NUMA1: variants seen among roughly 807,000 people sequenced by gnomAD.
The protein encoded by NUMA1 is nuclear mitotic apparatus protein 1, also known as SP-H antigen.
In NUMA1, 62 loss-of-function variants were observed where a neutral mutation model predicts 237.1. The observed-to-expected ratio is 0.26, with a 90% CI of 0.21 to 0.32. The LOEUF is 0.32. Ranked by LOEUF, NUMA1 falls within the 10% of genes least tolerant of loss-of-function variation. The pLI, the probability that NUMA1 is intolerant of heterozygous loss-of-function variation, is 1.00. For synonymous variants in NUMA1, 1,028 were observed against 1,066.1 expected (o/e 0.96, Z 0.70); for missense variants, 2,533 against 2,666.5 (o/e 0.95, Z 1.10).
intron 21 of NUMA1, 63 bp downstream of exon 21, chr11:72,007,126 C>T: frequency 6.3e-7 from 1 of 1,585,006 alleles, no homozygotes; most frequent in Non-Finnish European, 8.5e-7. Flanking sequence ...GTGCCCAGTG[C>T]AAAGATGCCC....
rs561239633 is a variant in NUMA1 at position 72,026,568 on chromosome 11, G to A, written c.129-2215C>T. Among the ~76,000 whole-genome samples the A allele has an allele frequency of 2.6e-5, 4 of 152,298 alleles. No individual in the cohort carries two copies. In the South Asian group the frequency reaches 8.3e-4, roughly 32 times the overall value. On this transcript the variant is annotated intron_variant, in intron 4 of 26. Coordinates refer to ENST00000393695, the MANE Select transcript of NUMA1 (RefSeq NM_006185.4). The stretch of plus-strand genomic sequence containing the variant: ...GAACCAAAAGGGAAACTTGTCAGAG[G>A]GGTTGATCCCAGTTAATTTTCCCAG...
chr11:72,054,591 G>T (rs2136074342), intron 2 of NUMA1, among the ~76,000 whole-genome samples: 1 of 152,184 alleles, frequency 6.6e-6, no homozygotes, highest in South Asian at 2.1e-4. Context: ...ACGATGTTAA[G>T]CAACTGTCAT....
At chr11:72,046,749 C>T (rs1942023582) in intron 2 of NUMA1, among the ~76,000 whole-genome samples, 1 of 151,836 alleles carries the variant, frequency 6.6e-6, no homozygotes, top group African/African-American at 2.4e-5. Flanking sequence ...TGTTTGAGCT[C>T]AAGAGTTCAA....
intron 2 of NUMA1, among the ~76,000 whole-genome samples, 175 bp downstream of exon 2, chr11:72,069,667 T>C (rs191549990): frequency 6.6e-6 from 1 of 152,258 alleles, no homozygotes; most frequent in Admixed American, 6.5e-5. Context: ...TAGAAAAATA[T>C]CTTTATTAAA....
chr11:72,023,105 G>A lies in NUMA1; in HGVS notation c.251C>T (p.Ala84Val), dbSNP rs1324599616. 1.2e-6 allele frequency: 2 copies of A among 1,613,788 alleles called. No homozygotes were observed. The highest frequency in any genetic ancestry group is 1.3e-5 in the African/African-American group (1 of 74,890). ...HPSSPECLVS[A>V]QKVLEGSELE... ...CTCTGATCCCTCTAGCACCTTCTGT[G>A]CAGATACCAGGCATTCTGGGGAAGA... The change falls in exon 6 of 27, where the codon GCA (alanine) becomes GTA (valine). Residue 84 changes from alanine (A) to valine (V), a missense_variant. Ala to Val is a moderately conservative substitution (Grantham distance 64). Coordinates refer to ENST00000393695, the MANE Select transcript of NUMA1 (RefSeq NM_006185.4).
At chr11:72,004,180 G>A (rs1194161121) in intron 25 of NUMA1, 45 bp downstream of exon 25, 1 of 1,603,678 alleles carries the variant, frequency 6.2e-7, no homozygotes, top group East Asian at 2.2e-5. Flanking sequence ...TATCAGCAAG[G>A]TCCCGCCAGG....
At chr11:72,034,600 C>T (rs1281205068) in intron 3 of NUMA1, among the ~76,000 whole-genome samples, 1 of 151,746 alleles carries the variant, frequency 6.6e-6, no homozygotes, top group East Asian at 1.9e-4. Context: ...CCCAGCTACT[C>T]GGGAGGCTGA....
At chr11:72,065,096 T>C (rs1205425857) in intron 2 of NUMA1, 1 of 152,178 alleles carries the variant, frequency 6.6e-6, no homozygotes, top group African/African-American at 2.4e-5. Flanking sequence ...AATAGTACCA[T>C]CATATACAAT....
chr11:72,027,675 T>C (rs1939758631), intron 4 of NUMA1, among the ~76,000 whole-genome samples: 1 of 152,200 alleles, frequency 6.6e-6, no homozygotes, highest in South Asian at 2.1e-4. Context: ...GATTTCTACC[T>C]ATTAGAAATG....
chr11:72,079,577 A>T (rs1013541419), intron 1 of NUMA1, among the ~76,000 whole-genome samples: 1 of 152,054 alleles, frequency 6.6e-6, no homozygotes, highest in Non-Finnish European at 1.5e-5. Flanking sequence ...ACTCAGAGGT[A>T]AGCAAAAGAG....
At chr11:72,023,662 T>G (rs1015842675) in intron 5 of NUMA1, among the ~76,000 whole-genome samples, 3 of 152,182 alleles carry the variant, frequency 2.0e-5, no homozygotes, top group African/African-American at 7.2e-5. Flanking sequence ...TAGCTCCCCA[T>G]GTCAAAGACG....
intron 2 of NUMA1, among the ~76,000 whole-genome samples, chr11:72,039,183 A>T (rs547303037): frequency 6.6e-6 from 1 of 152,372 alleles, no homozygotes; most frequent in African/African-American, 2.4e-5. Context: ...AAGCCTAGCC[A>T]TGATTTCCTA....
rs575105304 is a variant in NUMA1 at position 72,056,832 on chromosome 11, G to A, written c.-33+13010C>T. On this transcript the variant is annotated intron_variant, in intron 2 of 26. Coordinates refer to ENST00000393695, the MANE Select transcript of NUMA1 (RefSeq NM_006185.4). ...CCACCCAATTGTCCCAATCCAGACT[G>A]TCTTAGTGATGTGAAAGAATCTGAC... Among the ~76,000 whole-genome samples the A allele has an allele frequency of 1.1e-4, 17 of 151,990 alleles. No individual in the cohort carries two copies. The South Asian group carries it at 3.5e-3, about 32-fold the overall frequency.
chr11:72,017,228 A>C (rs1008760577), intron 13 of NUMA1: 10 of 213,498 alleles, frequency 4.7e-5, no homozygotes, highest in Non-Finnish European at 9.7e-5. Flanking sequence ...CAAGGGCTAC[A>C]TGGTTATTAG....
chr11:72,010,927 C>T (rs145844683), intron 16 of NUMA1, 73 bp from the exon 17 acceptor site: 2 of 1,343,024 alleles, frequency 1.5e-6, no homozygotes, highest in Admixed American at 3.4e-5. Flanking sequence ...GTCCACCCAT[C>T]ATGGGGTTTC....
chr11:72,008,699 G>A lies in NUMA1; in HGVS notation c.5205C>T (p.Leu1735=), dbSNP rs767737406. 3.7e-6 allele frequency: 6 copies of A among 1,614,026 alleles called. No individual in the cohort carries two copies. The highest frequency in any genetic ancestry group is 2.7e-5 in the African/African-American group (2 of 74,916). ...LDLSCEEGTP[L]SITSKLPRTQ... is the part of the protein sequence containing the mutation. Reference sequence around the variant, plus strand: ...GGCTGCCTCCTGACCTGGTGATACTGAGTGGGGTCCCCTCCTCGCAGCTCA... The same window carrying A: ...GGCTGCCTCCTGACCTGGTGATACTAAGTGGGGTCCCCTCCTCGCAGCTCA... Residue 1735 remains leucine, a synonymous_variant, in exon 20 of 27, where the codon CTC becomes CTT. Transcript: ENST00000393695.
chr11:72,004,107 G>A lies in NUMA1; in HGVS notation c.6124-8C>T. 1 of 1,613,204 alleles carries A rather than the reference G, an allele frequency of 6.2e-7. No homozygotes were observed. Reference sequence around the variant, plus strand: ...CGACTGGCGCCGGTCAGCCTGCAAGGAAGGGCTGTCAGACCGGGAGACCCA... The same window carrying A: ...CGACTGGCGCCGGTCAGCCTGCAAGAAAGGGCTGTCAGACCGGGAGACCCA... On this transcript the variant is annotated splice_polypyrimidine_tract_variant and splice_region_variant and intron_variant, in intron 25 of 26. Coordinates refer to ENST00000393695, the MANE Select transcript of NUMA1 (RefSeq NM_006185.4).
chr11:72,032,026 A>G (rs1379383955), intron 3 of NUMA1, among the ~76,000 whole-genome samples: 2 of 150,146 alleles, frequency 1.3e-5, no homozygotes, highest in African/African-American at 4.9e-5. Context: ...ATGGTGGTGC[A>G]TGCCTGTGGT....
Position 72,013,992 on chromosome 11 carries a change from A to C in NUMA1, c.3511T>G (p.Leu1171Val). 6.2e-7 allele frequency: 1 copy of C among 1,611,932 alleles called. No homozygotes were observed. The highest frequency in any genetic ancestry group is 8.5e-7 in the Non-Finnish European group (1 of 1,179,728). ...DSALETLQGQ[L>V]EEKAQELGHS... is the part of the protein sequence containing the mutation. ...CCTAGCTCCTGGGCCTTCTCCTCTA[A>C]CTGGCCCTGCAGAGTCTCCAGAGCA... The change falls in exon 15 of 27, where the codon TTA (leucine) becomes GTA (valine). Residue 1171 changes from leucine (L) to valine (V), a missense_variant. Physicochemically the swap from Leu to Val is conservative, Grantham distance 32. Coordinates refer to ENST00000393695, the MANE Select transcript of NUMA1 (RefSeq NM_006185.4). The surrounding 1 kb of genome is among the most constrained non-coding windows in gnomAD (Gnocchi z 6.8).
Sources: allele counts gnomAD v4.1 joint callset (sites outside exome capture counted in the v4.1 genomes callset), GRCh38; gene constraint gnomAD v4.1.1; non-coding constraint Gnocchi (gnomAD v3.1); transcripts MANE v1.5; gene names NCBI Gene and HGNC (gene_info 2026-07-23, HGNC 2026-07-21).